The following KIAA1217 variants were observed in gnomAD, a reference collection of about 807,000 sequenced individuals.
KIAA1217 encodes sickle tail protein homolog.
A neutral mutation model predicts 163.9 loss-of-function variants in KIAA1217; 88 were observed. The observed-to-expected ratio is 0.54, with a 90% CI of 0.45 to 0.64. The LOEUF (loss-of-function observed/expected upper bound fraction) is 0.64. Among genes scored for constraint, KIAA1217 ranks in the 30% least tolerant of loss-of-function variants. The pLI, the probability that KIAA1217 is intolerant of heterozygous loss-of-function variation, is 0.00. For missense variants in KIAA1217, 2,372 were observed against 2,475.0 expected (o/e 0.96, Z 0.88); for synonymous variants, 903 against 923.1 (o/e 0.98, Z 0.39).
intron 2 of KIAA1217, among the ~76,000 whole-genome samples, chr10:24,293,709 C>G (rs555132317): frequency 1.3e-5 from 2 of 152,226 alleles, no homozygotes; most frequent in Non-Finnish European, 2.9e-5. Flanking sequence ...TTAAGGTAGA[C>G]TGCATTATCA....
chr10:24,311,024 T>G (rs1015904687), intron 2 of KIAA1217, among the ~76,000 whole-genome samples: 25 of 151,984 alleles, frequency 1.6e-4, no homozygotes, highest in African/African-American at 5.8e-4. Context: ...AGCAAAAAAA[T>G]GAAGATTGCC....
intron 1 of KIAA1217, among the ~76,000 whole-genome samples, chr10:23,996,502 G>A (rs897241858): frequency 4.6e-5 from 7 of 152,062 alleles, no homozygotes; most frequent in African/African-American, 1.4e-4. Context: ...TCCAACACCT[G>A]TCACAGTGCC....
Position 24,257,062 on chromosome 10 carries a change from A to G in KIAA1217, c.354+37153A>G, listed in dbSNP as rs1321301205. On this transcript the variant is annotated intron_variant, in intron 2 of 20. Transcript: ENST00000376454. ...ATGGTCAGGAAAACAATTTTTTTCA[A>G]AGGTAGCATGAATAGAGTGAGGTAA... is the stretch of plus-strand genomic sequence containing the variant. Among the ~76,000 whole-genome samples the G allele has an allele frequency of 2.6e-5, 4 of 152,156 alleles. No homozygotes were observed. In the East Asian group the frequency reaches 5.8e-4, roughly 22 times the overall value.
intron 2 of KIAA1217, among the ~76,000 whole-genome samples, chr10:24,230,317 G>A (rs563685802): frequency 2.0e-5 from 3 of 152,080 alleles, no homozygotes; most frequent in Non-Finnish European, 4.4e-5. Context: ...TACTGGTTGA[G>A]CATCTCTAAT....
chr10:24,041,778 C>T (rs1589275529), intron 2 of KIAA1217, among the ~76,000 whole-genome samples: 1 of 152,180 alleles, frequency 6.6e-6, no homozygotes, highest in East Asian at 1.9e-4. Flanking sequence ...GAAATATTTG[C>T]TTGAACTAAT....
chr10:23,934,625 A>ATATATATATATATAT lies in KIAA1217; in HGVS notation c.-320-72599_-320-72598insATATATATATATATT, dbSNP rs1554826424. 6.4e-4 allele frequency among the ~76,000 whole-genome samples: 44 copies of ATATATATATATATAT among 68,530 alleles called. 1 individual carries two copies. The highest frequency in any genetic ancestry group is 4.0e-3 in the African/African-American group (43 of 10,830). The allele number at this position is 68,530 out of a possible 152,430, so 45.0% of individuals were successfully genotyped here. Reference sequence around the variant, plus strand: ...TATATATGTATATATATATATATATATTTTTTTTTTGAGACGGAGTCTCGC... The same window carrying ATATATATATATATAT: ...TATATATGTATATATATATATATATATATATATATATATATTTTTTTTTTTGAGACGGAGTCTCGC... On this transcript the variant is annotated intron_variant, in intron 1 of 18. Coordinates refer to the KIAA1217 transcript ENST00000376462.
In KIAA1217 at chr10:23,943,322, T is replaced by C. The variant is rs182951043; in HGVS notation, c.-320-63903T>C. Among the ~76,000 whole-genome samples the C allele has an allele frequency of 1.6e-3, 247 of 152,310 alleles. 3 individuals carry two copies. The highest frequency in any genetic ancestry group is 4.4e-3 in the African/African-American group (182 of 41,570). On this transcript the variant is annotated intron_variant, in intron 1 of 18. Coordinates refer to the KIAA1217 transcript ENST00000376462. The stretch of plus-strand genomic sequence containing the variant: ...AAGGCCTTGGGATTCAAGAGCAGCA[T>C]ATAATGATCAATTGTATATTTATAC...
chr10:24,251,145 G>C (rs1432710430), intron 2 of KIAA1217, among the ~76,000 whole-genome samples: 2 of 152,002 alleles, frequency 1.3e-5, no homozygotes, highest in African/African-American at 4.8e-5. Flanking sequence ...AGAATCACTT[G>C]AACCCAGGAG....
chr10:23,978,202 A>G (rs560907814), intron 1 of KIAA1217, among the ~76,000 whole-genome samples: 3 of 152,128 alleles, frequency 2.0e-5, no homozygotes, highest in Non-Finnish European at 4.4e-5. Flanking sequence ...CCCAAGCTTA[A>G]TATTCAGAGA....
chr10:24,187,420 C>A (rs371891693), intron 2 of KIAA1217, among the ~76,000 whole-genome samples: 25 of 152,306 alleles, frequency 1.6e-4, no homozygotes, highest in African/African-American at 5.8e-4. Flanking sequence ...CTATACTTCT[C>A]CATCTCCCTT....
At chr10:24,093,958 T>C (rs541276558) in intron 2 of KIAA1217, among the ~76,000 whole-genome samples, 199 of 152,050 alleles carry the variant, frequency 1.3e-3, no homozygotes, top group African/African-American at 4.5e-3. Context: ...ATTTCATCCG[T>C]GTCCCTACAA....
intron 1 of KIAA1217, among the ~76,000 whole-genome samples, chr10:23,921,068 T>C (rs1842832751): frequency 1.3e-5 from 2 of 152,184 alleles, no homozygotes; most frequent in South Asian, 4.1e-4. Context: ...CTTTATAAAT[T>C]ACGAAGTCTC....
At chr10:24,250,494 G>A (rs1055438242) in intron 2 of KIAA1217, among the ~76,000 whole-genome samples, 1 of 150,522 alleles carries the variant, frequency 6.6e-6, no homozygotes, top group Non-Finnish European at 1.5e-5. Context: ...GTGCAGTGGC[G>A]CAATCTCGGC....
chr10:23,730,702 T>C (rs1251460326), intron 1 of KIAA1217, among the ~76,000 whole-genome samples: 1 of 152,204 alleles, frequency 6.6e-6, no homozygotes, highest in South Asian at 2.1e-4. Flanking sequence ...ATAGATCTTG[T>C]ATATATTTTG....
intron 1 of KIAA1217, among the ~76,000 whole-genome samples, chr10:23,767,398 TG>T (rs1834587968): frequency 6.6e-6 from 1 of 152,090 alleles, no homozygotes; most frequent in Non-Finnish European, 1.5e-5. Flanking sequence ...ATATTCCAGA[TG>T]AGAAATTCTG....
upstream of KIAA1217, among the ~76,000 whole-genome samples, chr10:24,205,302 C>CAA (rs61292023): frequency 0.095 from 3,462 of 36,510 alleles, 753 homozygotes; most frequent in African/African-American, 0.14. Context: ...ACTAAAAATA[C>CAA]AAAAAAAAAA....
At chr10:24,340,219 C>T (rs963427303) in intron 2 of KIAA1217, among the ~76,000 whole-genome samples, 2 of 152,144 alleles carry the variant, frequency 1.3e-5, no homozygotes, top group Admixed American at 1.3e-4. Flanking sequence ...GGCCGTGTCC[C>T]CACCCAAATC....
At chr10:24,446,112 T>A (rs1480775216) in intron 5 of KIAA1217, among the ~76,000 whole-genome samples, 1 of 152,238 alleles carries the variant, frequency 6.6e-6, no homozygotes, top group Non-Finnish European at 1.5e-5. Flanking sequence ...GGTTTTGATT[T>A]GCATTTCTCT....
chr10:23,894,255 C>T (rs1841570696), intron 1 of KIAA1217, among the ~76,000 whole-genome samples: 2 of 151,766 alleles, frequency 1.3e-5, no homozygotes, highest in Non-Finnish European at 2.9e-5. Flanking sequence ...TGTCTCAGCC[C>T]AAAATCTCCT....
Sources: gnomAD v4.1 joint callset for allele counts (sites outside exome capture counted in the v4.1 genomes callset) on GRCh38, gnomAD v4.1.1 for gene constraint, MANE v1.5 for transcripts, NCBI Gene and HGNC (gene_info 2026-07-23, HGNC 2026-07-21) for gene names.